Variants in SCO1 observed in about 807,000 individuals in gnomAD.
SCO1 encodes synthesis of cytochrome C oxidase 1.
Under a neutral mutation model 34.0 loss-of-function variants are expected in SCO1, and 23 were observed. That is an observed-to-expected ratio of 0.68 (90% CI 0.49 to 0.96). The LOEUF is 0.96. SCO1 is among the 40% of genes least tolerant of loss of function. SCO1 has a pLI of 0.00. For synonymous variants in SCO1, 161 were observed against 145.5 expected (o/e 1.11, Z -0.77); for missense variants, 404 against 381.6 (o/e 1.06, Z -0.49).
At chr17:10,688,958 T>C (rs1411484407) in intron 4 of SCO1, among the ~76,000 whole-genome samples, 2 of 147,422 alleles carry the variant, frequency 1.4e-5, no homozygotes, top group African/African-American at 5.3e-5. Flanking sequence ...CTACTAAAAA[T>C]ACAAAAAATT....
intron 4 of SCO1, among the ~76,000 whole-genome samples, chr17:10,688,271 C>T (rs2074669141): frequency 6.6e-6 from 1 of 152,066 alleles, no homozygotes; most frequent in African/African-American, 2.4e-5. Flanking sequence ...AACTTGTATC[C>T]AGAATATAAA....
rs933466702 is a variant in SCO1, at chr17:10,677,712, T to A, written c.*3407A>T. On this transcript the variant is annotated 3_prime_UTR_variant, in exon 6 of 6. Coordinates refer to ENST00000255390, the MANE Select transcript of SCO1 (RefSeq NM_004589.4). ...GCCTACTGCATTGATAGGATTCTTA[T>A]ACTTTTCAAATAAACAAGTGGCATT... 1 of 152,254 alleles carries A rather than the reference T, an allele frequency of 6.6e-6. No individual in the cohort carries two copies. Among genetic ancestry groups the A allele is most frequent in the African/African-American group, 2.4e-5 (1 of 41,464 alleles). The allele number at this position is 152,254 out of a possible 1,614,324, so 9.4% of individuals were successfully genotyped here.
At position 10,678,202 on chromosome 17, in the gene SCO1, C is replaced by T. The variant is rs2074594605; in HGVS notation, c.*2917G>A. Reference sequence around the variant, plus strand: ...ACGTTGCCCCACTGGCATACGGAACCTCCGTTTTGGTTGGATTCACACAGT... The same window carrying T: ...ACGTTGCCCCACTGGCATACGGAACTTCCGTTTTGGTTGGATTCACACAGT... On this transcript the variant is annotated 3_prime_UTR_variant, in exon 6 of 6. Coordinates refer to ENST00000255390, the MANE Select transcript of SCO1 (RefSeq NM_004589.4). The T allele has an allele frequency of 6.6e-6, 1 of 152,226 alleles. No individual in the cohort carries two copies. Among genetic ancestry groups the T allele is most frequent in the Admixed American group, 6.5e-5 (1 of 15,286 alleles). The allele number at this position is 152,226 out of a possible 1,614,324, so 9.4% of individuals were successfully genotyped here. A position where few individuals can be genotyped will look rare whatever the true frequency, so the allele number is the denominator to read the frequency against.
rs1225325213 is a variant in SCO1, at chr17:10,679,955, T to C, written c.*1164A>G. On this transcript the variant is annotated 3_prime_UTR_variant, in exon 6 of 6. Coordinates refer to ENST00000255390, the MANE Select transcript of SCO1 (RefSeq NM_004589.4). ...ATGCCAAAAAAATCTTCTGTAGAGA[T>C]GGGGGCGGGGGGGGGGGGTCTCACT... is the stretch of plus-strand genomic sequence containing the variant. 3.7e-4 allele frequency: 2 copies of C among 5,376 alleles called. No individual in the cohort carries two copies. The highest frequency in any genetic ancestry group is 5.7e-3 in the Admixed American group (2 of 348). The allele number at this position is 5,376 out of a possible 1,614,324, so 0.3% of individuals were successfully genotyped here.
intron 5 of SCO1, among the ~76,000 whole-genome samples, chr17:10,682,391 A>G (rs1327728182): frequency 6.6e-6 from 1 of 152,306 alleles, no homozygotes; most frequent in South Asian, 2.1e-4. Context: ...CTGGATTCCA[A>G]GTGCTGTGGG....
intron 5 of SCO1, among the ~76,000 whole-genome samples, chr17:10,682,592 G>A (rs2074629508): frequency 6.6e-6 from 1 of 152,008 alleles, no homozygotes; most frequent in South Asian, 2.1e-4. Flanking sequence ...TATTTTCTGA[G>A]TGTTCTTAAT....
intron 4 of SCO1, among the ~76,000 whole-genome samples, chr17:10,690,180 C>T (rs1462590059): frequency 6.6e-6 from 1 of 151,952 alleles, no homozygotes; most frequent in East Asian, 1.9e-4. Context: ...GCAACAAAAG[C>T]AAAAATAGGC....
chr17:10,688,940 C>T lies in SCO1; in HGVS notation c.656-2098G>A, dbSNP rs1282279966. On this transcript the variant is annotated intron_variant, in intron 4 of 5. Coordinates refer to ENST00000255390, the MANE Select transcript of SCO1 (RefSeq NM_004589.4). ...GACCATCCCGGCTAAAACGGTGAAACCCCGTCTCTACTAAAAATACAAAAA... is the reference window on the plus strand; with the variant it reads ...GACCATCCCGGCTAAAACGGTGAAATCCCGTCTCTACTAAAAATACAAAAA... 3.5e-5 allele frequency among the ~76,000 whole-genome samples: 5 copies of T among 143,490 alleles called. 2 individuals carry two copies. The highest frequency in any genetic ancestry group is 1.2e-4 in the African/African-American group (4 of 33,814). The allele number at this position is 143,490 out of a possible 152,430, so 94.1% of individuals were successfully genotyped here. A position where few individuals can be genotyped will look rare whatever the true frequency, so the allele number is the denominator to read the frequency against.
Position 10,689,115 on chromosome 17 carries a change from C to CAAAA in SCO1, c.656-2277_656-2274dup, listed in dbSNP as rs556558488. Among the ~76,000 whole-genome samples, 482 of 67,848 alleles carry CAAAA rather than the reference C, an allele frequency of 7.1e-3. 41 individuals are homozygous for CAAAA. Among genetic ancestry groups the CAAAA allele is most frequent in the African/African-American group, 0.027 (367 of 13,702 alleles). 44.5% of individuals were successfully genotyped at this position (67,848 alleles called of 152,430 possible). A position where few individuals can be genotyped will look rare whatever the true frequency, so the allele number is the denominator to read the frequency against. On this transcript the variant is annotated intron_variant, in intron 4 of 5. Transcript: ENST00000255390. ...TGGGCGACAGAGCGAGACTCCGTCT[C>CAAAA]AAAAAAAAAAAAAAAAAAAAGAAAG...
intron 2 of SCO1, among the ~76,000 whole-genome samples, chr17:10,693,544 G>A (rs1419384806): frequency 6.6e-6 from 1 of 152,190 alleles, no homozygotes; most frequent in Non-Finnish European, 1.5e-5. Flanking sequence ...TATCTATATA[G>A]ATATAAATAA....
At chr17:10,684,665 G>T (rs1253328231) in intron 5 of SCO1, among the ~76,000 whole-genome samples, 5 of 152,152 alleles carry the variant, frequency 3.3e-5, no homozygotes, top group African/African-American at 1.2e-4. Context: ...CCTAGTTTAG[G>T]ACTGTATACA....
Position 10,673,828 on chromosome 17 carries a change from G to A in SCO1, c.*7291C>T, listed in dbSNP as rs534415583. ...GATGGAGAAACGCTTGGTATACTGT[G>A]CTGAATAGAAGTTCTGACAGGGAGT... On this transcript the variant is annotated 3_prime_UTR_variant, in exon 6 of 6. Transcript: ENST00000255390. 1 of 152,322 alleles carries A rather than the reference G, an allele frequency of 6.6e-6. No individual in the cohort carries two copies. Among genetic ancestry groups the A allele is most frequent in the African/African-American group, 2.4e-5 (1 of 41,572 alleles). 9.4% of individuals were successfully genotyped at this position (152,322 alleles called of 1,614,324 possible). A position where few individuals can be genotyped will look rare whatever the true frequency, so the allele number is the denominator to read the frequency against.
chr17:10,686,608 G>T, intron 5 of SCO1, 119 bp downstream of exon 5: 1 of 761,722 alleles, frequency 1.3e-6, no homozygotes, highest in African/African-American at 1.7e-5. Flanking sequence ...AAATTCCTAA[G>T]GACTTTGCAA....
intron 2 of SCO1, 144 bp downstream of exon 2, chr17:10,695,597 G>GT (rs1288480583): frequency 1.6e-6 from 1 of 619,544 alleles, no homozygotes; most frequent in African/African-American, 1.9e-5. Context: ...TGGGTGAAAG[G>GT]TATGTAGAAC....
At position 10,697,395 on chromosome 17, in the gene SCO1, C is replaced by T. The variant is rs141758536; in HGVS notation, c.113G>A (p.Arg38Lys). The change falls in exon 1 of 6, where the codon AGA becomes AAA. Residue 38 changes from arginine to lysine, a missense_variant. Arg to Lys is a conservative substitution (Grantham distance 26). Coordinates refer to ENST00000255390, the MANE Select transcript of SCO1 (RefSeq NM_004589.4). ...EFWGPAEGTA[R>K]VLLRQFCARQ... ...CGCGCAGAACTGCCTCAGCAAGACT[C>T]TCGCAGTCCCCTCGGCTGGGCCCCA... is the stretch of plus-strand genomic sequence containing the variant. 5 of 1,605,024 alleles carry T rather than the reference C, an allele frequency of 3.1e-6. No homozygotes were observed. The highest frequency in any genetic ancestry group is 4.5e-5 in the East Asian group (2 of 44,552).
chr17:10,695,867 G>GT, intron 1 of SCO1, 36 bp from the exon 2 acceptor site: 1 of 1,462,118 alleles, frequency 6.8e-7, no homozygotes. Context: ...AAAAATTCTA[G>GT]TAAGATGCAA....
chr17:10,691,724 A>G (rs2074690566), intron 4 of SCO1, 148 bp downstream of exon 4: 2 of 652,478 alleles, frequency 3.1e-6, no homozygotes, highest in South Asian at 1.7e-5. Flanking sequence ...ACTATCCATA[A>G]CAATTCCTAG....
chr17:10,692,944 G>A lies in SCO1; in HGVS notation c.382C>T (p.Gln128Ter). The A allele has an allele frequency of 6.2e-7, 1 of 1,614,050 alleles. No homozygotes were observed. The highest frequency in any genetic ancestry group is 8.5e-7 in the Non-Finnish European group (1 of 1,180,002). ...AGTAAAGGCTTGCCGATGTGTCGCT[G>A]CCGTTCCTTCTCTAACTCTTAAGGA... The part of the protein sequence containing the change: ...EKAEKLEKER[Q>*]RHIGKPLLGG... Residue 128 changes from glutamine (Q) to a stop codon, truncating the protein, a stop_gained, in exon 3 of 6, where the codon CAG becomes TAG. Coordinates refer to ENST00000255390, the MANE Select transcript of SCO1 (RefSeq NM_004589.4). LOFTEE classifies it high-confidence loss of function.
intron 1 of SCO1, 84 bp downstream of exon 1, chr17:10,697,151 T>G: frequency 2.8e-5 from 37 of 1,306,428 alleles, no homozygotes; most frequent in Non-Finnish European, 3.3e-5. Flanking sequence ...GAGTAGTGTC[T>G]GAGGTTACGA....
Sources: allele counts gnomAD v4.1 joint callset (sites outside exome capture counted in the v4.1 genomes callset), GRCh38; gene constraint gnomAD v4.1.1; transcripts MANE v1.5; gene names NCBI Gene and HGNC (gene_info 2026-07-23, HGNC 2026-07-21).